Variants in GPC1 observed in about 807,000 individuals in gnomAD.
The protein encoded by GPC1 is glypican-1.
Under a neutral mutation model 51.5 loss-of-function variants are expected in GPC1, and 26 were observed. The ratio of observed to expected loss-of-function variants is 0.50; its 90% CI spans 0.37 to 0.70. The LOEUF is 0.70. GPC1 is among the 30% of genes least tolerant of loss of function. GPC1 has a pLI of 0.00. For synonymous variants in GPC1, 380 were observed against 348.3 expected (o/e 1.09, Z -1.01); for missense variants, 775 against 800.5 (o/e 0.97, Z 0.38).
At position 240,451,337 on chromosome 2, in the gene GPC1, G is replaced by A. The variant is rs545969203; in HGVS notation, c.167-7693G>A. 8.6e-4 allele frequency: 385 copies of A among 450,074 alleles called. 14 individuals carry two copies. The highest frequency in any genetic ancestry group is 6.2e-3 in the South Asian group (379 of 60,702). The allele number at this position is 450,074 out of a possible 1,614,324, so 27.9% of individuals were successfully genotyped here. On this transcript the variant is annotated intron_variant, in intron 1 of 8. Transcript: ENST00000264039. Reference sequence around the variant, plus strand: ...CTGCGTTTCTAGCGTGCCCCCTGTGGGTGTAGCAGACAGGGAGGGCCAGTC... The same window carrying A: ...CTGCGTTTCTAGCGTGCCCCCTGTGAGTGTAGCAGACAGGGAGGGCCAGTC...
chr2:240,464,492 C>T, intron 4 of GPC1, 124 bp from the exon 5 acceptor site: 1 of 1,321,326 alleles, frequency 7.6e-7, no homozygotes, highest in Non-Finnish European at 1.1e-6. Flanking sequence ...CGTGGGATCT[C>T]CCATGCTGAC....
chr2:240,453,066 T>C (rs933217478), intron 1 of GPC1: 2 of 321,240 alleles, frequency 6.2e-6, no homozygotes, highest in Non-Finnish European at 6.1e-6. Flanking sequence ...CCCGAGGACC[T>C]CTCCCGCAGC....
At chr2:240,461,988 C>G (rs1343011904) in intron 2 of GPC1, among the ~76,000 whole-genome samples, 1 of 152,094 alleles carries the variant, frequency 6.6e-6, no homozygotes, top group African/African-American at 2.4e-5. Context: ...CACCTGGGCC[C>G]CTGCTCCCCA....
rs1032452836 is a variant in GPC1 at position 240,466,352 on chromosome 2, G to T, written c.*62G>T. ...ACTTTGCCAAAAATACAACACAGAC[G>T]ATATTTAATTCACCTCAGCCTGGAG... On this transcript the variant is annotated 3_prime_UTR_variant, in exon 9 of 9. Transcript: ENST00000264039. 7.5e-6 allele frequency: 7 copies of T among 938,150 alleles called. No homozygotes were observed. Among genetic ancestry groups the T allele is most frequent in the Non-Finnish European group, 1.2e-5 (7 of 587,258 alleles). 58.1% of individuals were successfully genotyped at this position (938,150 alleles called of 1,614,324 possible). A position where few individuals can be genotyped will look rare whatever the true frequency, so the allele number is the denominator to read the frequency against.
At position 240,467,276 on chromosome 2, in the gene GPC1, G is replaced by GC. The variant is rs532291012; in HGVS notation, c.*987dup. 5 of 152,466 alleles carry GC rather than the reference G, an allele frequency of 3.3e-5. No homozygotes were observed. In the East Asian group the frequency reaches 9.6e-4, roughly 29 times the overall value. 9.4% of individuals were successfully genotyped at this position (152,466 alleles called of 1,614,324 possible). A position where few individuals can be genotyped will look rare whatever the true frequency, so the allele number is the denominator to read the frequency against. On this transcript the variant is annotated 3_prime_UTR_variant, in exon 9 of 9. Transcript: ENST00000264039. ...GGATGCTGGTGGCTGGTGAGACCCC[G>GC]CACTGCAGACGGGAATGCCTAGGTC...
At chr2:240,444,372 G>A (rs1028325613) in intron 1 of GPC1, among the ~76,000 whole-genome samples, 1 of 152,172 alleles carries the variant, frequency 6.6e-6, no homozygotes, top group Non-Finnish European at 1.5e-5. Context: ...GGCTTCCGGG[G>A]ACTCCCAAAT....
Position 240,465,512 on chromosome 2 carries a change from G to A in GPC1, c.1308G>A (p.Gln436=). ...PEVMGDGLAN[Q]INNPEVEVDI... ...TCATGGGTGACGGCCTGGCCAACCA[G>A]ATCAACAACCCCGAGGTGGAGGTGG... is the stretch of plus-strand genomic sequence containing the variant. The change falls in exon 8 of 9, where the codon CAG becomes CAA. Residue 436 remains glutamine (Q), a synonymous_variant. Coordinates refer to ENST00000264039, the MANE Select transcript of GPC1 (RefSeq NM_002081.3). 6.2e-7 allele frequency: 1 copy of A among 1,613,184 alleles called. No homozygotes were observed.
intron 1 of GPC1, among the ~76,000 whole-genome samples, chr2:240,454,189 G>A (rs1417423903): frequency 2.6e-5 from 4 of 152,190 alleles, no homozygotes; most frequent in Non-Finnish European, 5.9e-5. Context: ...TCGCAGGTGG[G>A]GCCAAGGCTG....
intron 2 of GPC1, 144 bp downstream of exon 2, chr2:240,459,332 C>T (rs1178009810): frequency 2.8e-5 from 23 of 822,290 alleles, no homozygotes; most frequent in East Asian, 5.3e-5. Context: ...GGGGCTAGGG[C>T]GCTGGGTTGA....
intron 1 of GPC1, among the ~76,000 whole-genome samples, chr2:240,444,587 G>A (rs551534749): frequency 1.5e-4 from 16 of 107,742 alleles, no homozygotes; most frequent in Non-Finnish European, 3.2e-4. Context: ...CTTCCTGGGT[G>A]CGCCATCAGC....
At chr2:240,454,422 C>T (rs1158909574) in intron 1 of GPC1, among the ~76,000 whole-genome samples, 1 of 152,116 alleles carries the variant, frequency 6.6e-6, no homozygotes, top group Non-Finnish European at 1.5e-5. Context: ...GGTCCGAGAG[C>T]AGATGGGCCA....
chr2:240,443,602 C>T (rs998992012), intron 1 of GPC1, among the ~76,000 whole-genome samples: 5 of 152,270 alleles, frequency 3.3e-5, no homozygotes, highest in South Asian at 2.1e-4. Context: ...CCAGGCGACT[C>T]GGAAGCAGAA....
At position 240,446,395 on chromosome 2, in the gene GPC1, C is replaced by T. The variant is rs866453640; in HGVS notation, c.166+10311C>T. 5.3e-5 allele frequency among the ~76,000 whole-genome samples: 8 copies of T among 152,334 alleles called. No individual in the cohort carries two copies. The South Asian group carries it at 6.2e-4, about 12-fold the overall frequency. On this transcript the variant is annotated intron_variant, in intron 1 of 8. Transcript: ENST00000264039. ...ACGCAGTTAGCGCAGAGACAGGGCA[C>T]GTATGAGAGGATCCACACAAGCTGT...
At chr2:240,454,900 A>G in intron 1 of GPC1, 1 of 209,242 alleles carries the variant, frequency 4.8e-6, no homozygotes. Flanking sequence ...ATCATTGGGG[A>G]TGGGGGCCAC....
chr2:240,443,290 C>G (rs1369887588), intron 1 of GPC1, among the ~76,000 whole-genome samples: 2 of 152,242 alleles, frequency 1.3e-5, no homozygotes, highest in Non-Finnish European at 2.9e-5. Context: ...GGGGCAGAGC[C>G]CTTCAGGTGG....
Position 240,466,568 on chromosome 2 carries a change from C to A in GPC1, c.*278C>A. On this transcript the variant is annotated 3_prime_UTR_variant, in exon 9 of 9. Coordinates refer to ENST00000264039, the MANE Select transcript of GPC1 (RefSeq NM_002081.3). ...CAGGGGCACCTCCGGCTGCCTAGCC[C>A]TCCCCCCAGCTCCCTGCACCGCCGC... 2.2e-6 allele frequency: 1 copy of A among 461,194 alleles called. No individual in the cohort carries two copies. The highest frequency in any genetic ancestry group is 3.9e-6 in the Non-Finnish European group (1 of 259,046). The allele number at this position is 461,194 out of a possible 1,614,324, so 28.6% of individuals were successfully genotyped here. A position where few individuals can be genotyped will look rare whatever the true frequency, so the allele number is the denominator to read the frequency against.
chr2:240,464,541 A>G, intron 4 of GPC1, 75 bp from the exon 5 acceptor site: 1 of 289,154 alleles, frequency 3.5e-6, no homozygotes, highest in East Asian at 4.7e-5. Context: ...ACACGTGGTG[A>G]CGCCTGCGTG....
Position 240,465,223 on chromosome 2 carries a change from C to A in GPC1, c.1268+13C>A. On this transcript the variant is annotated intron_variant, in intron 7 of 8. Transcript: ENST00000264039. ...TGGCCAGAGGCCGGTAGGTGCCCAC[C>A]TGGCTGGCACAGCCCTCCCTCCCAT... 1 of 1,595,260 alleles carries A rather than the reference C, an allele frequency of 6.3e-7. No individual in the cohort carries two copies.
chr2:240,450,220 A>G, intron 1 of GPC1: 1 of 321,898 alleles, frequency 3.1e-6, no homozygotes, highest in Non-Finnish European at 6.1e-6. Context: ...AGGCAGGCAG[A>G]GGTGCCTGGG....
Sources: allele counts gnomAD v4.1 joint callset (sites outside exome capture counted in the v4.1 genomes callset), GRCh38; gene constraint gnomAD v4.1.1; transcripts MANE v1.5; gene names NCBI Gene and HGNC (gene_info 2026-07-23, HGNC 2026-07-21).